The following GRB2 variants were observed in gnomAD, a reference collection of about 807,000 sequenced individuals.
The protein encoded by GRB2 is growth factor receptor bound protein 2.
Under a neutral mutation model 27.4 loss-of-function variants are expected in GRB2, and 2 were observed. The observed-to-expected ratio is 0.07, with a 90% CI of 0.03 to 0.23. The LOEUF is 0.23. Among genes scored for constraint, GRB2 ranks in the 10% least tolerant of loss-of-function variants. The pLI is 1.00. For missense variants in GRB2, 102 were observed against 282.4 expected (o/e 0.36, Z 4.58); for synonymous variants, 94 against 99.6 (o/e 0.94, Z 0.33).
At position 75,377,191 on chromosome 17, in the gene GRB2, C is replaced by T. The variant is rs561479356; in HGVS notation, c.78+16360G>A. Among the ~76,000 whole-genome samples the T allele has an allele frequency of 5.3e-5, 8 of 151,796 alleles. No homozygotes were observed. In the South Asian group the frequency reaches 6.3e-4, roughly 12 times the overall value. On this transcript the variant is annotated intron_variant, in intron 2 of 5. Transcript: ENST00000316804. ...AAATATAATACAGGGTGTGGTGGTG[C>T]GCATCTGTAGTCCCAGCTACTGAGG...
intron 2 of GRB2, among the ~76,000 whole-genome samples, chr17:75,383,489 T>C (rs1209999160): frequency 3.3e-5 from 5 of 152,172 alleles, no homozygotes; most frequent in Admixed American, 6.6e-5. Flanking sequence ...GTGTACTGAA[T>C]AGCATTAATA....
intron 2 of GRB2, among the ~76,000 whole-genome samples, chr17:75,374,605 T>TCA (rs112792873): frequency 0.011 from 1,666 of 147,046 alleles, 24 homozygotes; most frequent in African/African-American, 0.031. Context: ...ATGCCTGTAG[T>TCA]CACACACACA....
In GRB2 at chr17:75,347,417, T is replaced by C. The variant is rs190027048; in HGVS notation, c.79-14620A>G. ...TTGATTTTCTACACTGCCATGCCCA[T>C]CTTTGAGTGGTGCCTTTGCTTTAGC... On this transcript the variant is annotated intron_variant, in intron 2 of 5. Coordinates refer to ENST00000316804, the MANE Select transcript of GRB2 (RefSeq NM_002086.5). Among the ~76,000 whole-genome samples the C allele has an allele frequency of 3.9e-5, 6 of 152,232 alleles. No individual in the cohort carries two copies. The East Asian group carries it at 1.2e-3, about 29-fold the overall frequency.
chr17:75,384,503 T>C (rs530577852), intron 2 of GRB2, among the ~76,000 whole-genome samples: 1 of 152,120 alleles, frequency 6.6e-6, no homozygotes, highest in African/African-American at 2.4e-5. Context: ...ACCCTGTCTC[T>C]ACTAAAAATA....
intron 1 of GRB2, among the ~76,000 whole-genome samples, chr17:75,401,790 A>C (rs4789188): frequency 0.67 from 101,706 of 152,146 alleles, 39,111 homozygotes; most frequent in East Asian, 0.96. Flanking sequence ...TGGTTGTAAA[A>C]TGCTTGGCAG....
At chr17:75,354,322 C>T (rs868191361) in intron 2 of GRB2, among the ~76,000 whole-genome samples, 6 of 145,696 alleles carry the variant, frequency 4.1e-5, no homozygotes, top group Admixed American at 6.9e-5. Context: ...TGCAATGGTG[C>T]GATCTCTGCT....
chr17:75,344,174 G>C (rs1415621801), intron 2 of GRB2, among the ~76,000 whole-genome samples: 1 of 152,150 alleles, frequency 6.6e-6, no homozygotes, highest in Non-Finnish European at 1.5e-5. Context: ...TAGATGAAGT[G>C]TGAACTTGGT....
At chr17:75,387,185 T>A (rs2078969630) in intron 2 of GRB2, among the ~76,000 whole-genome samples, 1 of 151,378 alleles carries the variant, frequency 6.6e-6, no homozygotes, top group Non-Finnish European at 1.5e-5. Flanking sequence ...AGAGTGCCAA[T>A]CTTGCCCAGG....
chr17:75,321,941 G>C, intron 4 of GRB2, 114 bp from the exon 5 acceptor site: 1 of 987,364 alleles, frequency 1.0e-6, no homozygotes, highest in Non-Finnish European at 1.5e-6. Context: ...GCACTCCTCA[G>C]GGACTGCAGA....
intron 3 of GRB2, among the ~76,000 whole-genome samples, chr17:75,328,503 G>A (rs1221552121): frequency 2.0e-5 from 3 of 148,122 alleles, no homozygotes; most frequent in Admixed American, 6.8e-5. Flanking sequence ...AGCAAGGCGC[G>A]GTGGCGCATG....
At chr17:75,335,787 G>A (rs1194891856) in intron 2 of GRB2, among the ~76,000 whole-genome samples, 7 of 152,162 alleles carry the variant, frequency 4.6e-5, no homozygotes, top group Non-Finnish European at 1.0e-4. Context: ...GAGTATTGAT[G>A]AAAACTTTCT....
At chr17:75,382,364 T>C (rs570972861) in intron 2 of GRB2, among the ~76,000 whole-genome samples, 11 of 152,356 alleles carry the variant, frequency 7.2e-5, no homozygotes, top group African/African-American at 2.6e-4. Context: ...ACTATGTTAC[T>C]GCTAATAATT....
chr17:75,335,581 C>A (rs946452038), intron 2 of GRB2, among the ~76,000 whole-genome samples: 3 of 152,182 alleles, frequency 2.0e-5, no homozygotes, highest in African/African-American at 7.2e-5. Context: ...CCCTGCAGAG[C>A]TTTGCAATGC....
intron 2 of GRB2, among the ~76,000 whole-genome samples, chr17:75,385,142 G>T (rs193221313): frequency 2.4e-4 from 36 of 151,700 alleles, no homozygotes; most frequent in African/African-American, 8.5e-4. Flanking sequence ...TCAGGAGGCT[G>T]AAGTAGGAGG....
intron 3 of GRB2, among the ~76,000 whole-genome samples, chr17:75,327,457 G>A (rs975372434): frequency 1.3e-5 from 2 of 150,308 alleles, no homozygotes; most frequent in Non-Finnish European, 2.9e-5. Flanking sequence ...TGCAACCTTC[G>A]CCTCCTGGGT....
At chr17:75,403,839 C>T (rs1050079815) in intron 1 of GRB2, among the ~76,000 whole-genome samples, 6 of 152,166 alleles carry the variant, frequency 3.9e-5, no homozygotes, top group Non-Finnish European at 8.8e-5. Context: ...TCTGGCCGGG[C>T]GCGGTGGCTC....
intron 2 of GRB2, among the ~76,000 whole-genome samples, chr17:75,334,205 C>G (rs886639311): frequency 6.6e-6 from 1 of 151,946 alleles, no homozygotes; most frequent in Non-Finnish European, 1.5e-5. Context: ...GAGTCTCGCT[C>G]TGTCGCCCAG....
chr17:75,395,200 T>C (rs1225368170), intron 1 of GRB2, among the ~76,000 whole-genome samples: 1 of 152,000 alleles, frequency 6.6e-6, no homozygotes, highest in East Asian at 1.9e-4. Flanking sequence ...TAGACCAAGA[T>C]AAGTATTATC....
chr17:75,321,976 C>T, intron 4 of GRB2, 149 bp from the exon 5 acceptor site: 1 of 687,472 alleles, frequency 1.5e-6, no homozygotes, highest in Non-Finnish European at 2.4e-6. Context: ...CACTGGGTGT[C>T]CCTGGGACGG....
Sources: gnomAD v4.1 joint callset for allele counts (sites outside exome capture counted in the v4.1 genomes callset) on GRCh38, gnomAD v4.1.1 for gene constraint, MANE v1.5 for transcripts, NCBI Gene and HGNC (gene_info 2026-07-23, HGNC 2026-07-21) for gene names.